Variants in PLXNB3 observed in about 807,000 individuals in gnomAD.
PLXNB3 encodes the protein plexin-B3.
A neutral mutation model predicts 125.7 loss-of-function variants in PLXNB3; 80 were observed. The ratio of observed to expected loss-of-function variants is 0.64; its 90% CI spans 0.53 to 0.77. The LOEUF (loss-of-function observed/expected upper bound fraction) is 0.77. PLXNB3 is among the 30% of genes least tolerant of loss of function. The pLI is 0.00. For synonymous variants in PLXNB3, 954 were observed against 783.3 expected (o/e 1.22, Z -3.64); for missense variants, 1,836 against 1,729.3 (o/e 1.06, Z -1.09).
rs1028960103 is a variant in PLXNB3, at chrX:153,769,016, C to T, written c.1335C>T (p.Ile445=). The part of the protein sequence containing the change: ...SQQVGPPGSA[I]SPDLLLDSSG... ...AAGTGGGGCCTCCAGGCTCAGCCAT[C>T]AGCCCAGACCTGCTGCTGGACAGCA... The change falls in exon 5 of 36, where the codon ATC becomes ATT. Residue 445 remains isoleucine (I), a synonymous_variant. Coordinates refer to ENST00000361971, the MANE Select transcript of PLXNB3 (RefSeq NM_005393.3). The T allele has an allele frequency of 8.3e-7, 1 of 1,209,693 alleles. No homozygotes were observed. The highest frequency in any genetic ancestry group is 3.0e-5 in the East Asian group (1 of 33,788).
rs1557063269 is a variant in PLXNB3, at chrX:153,774,491, T to C, written c.3750T>C (p.Phe1250=). Residue 1250 remains phenylalanine, a synonymous_variant, in exon 22 of 36, where the codon TTT becomes TTC. Transcript: ENST00000361971. ...QYEAEPPLSA[F]PVEAQAGVGM... Reference sequence around the variant, plus strand: ...AGGCTGAACCCCCGCTGTCTGCCTTTCCCGTGGAGGCCCAGGCAGGCGTGG... The same window carrying C: ...AGGCTGAACCCCCGCTGTCTGCCTTCCCCGTGGAGGCCCAGGCAGGCGTGG... 1.7e-6 allele frequency: 2 copies of C among 1,206,815 alleles called. No individual in the cohort carries two copies. Among genetic ancestry groups the C allele is most frequent in the Admixed American group, 4.4e-5 (2 of 45,715 alleles).
chrX:153,764,961 G>A (rs2091840887), intron 1 of PLXNB3, among the ~76,000 whole-genome samples: 1 of 113,015 alleles, frequency 8.8e-6, no homozygotes, highest in African/African-American at 3.2e-5. Flanking sequence ...GCTGGGCTGG[G>A]GGTGTGGAGG....
chrX:153,775,551 G>C (rs782663411), intron 25 of PLXNB3, 43 bp from the exon 26 acceptor site: 1 of 1,181,984 alleles, frequency 8.5e-7, no homozygotes, highest in Non-Finnish European at 1.2e-6. Context: ...CCTCAGCAGG[G>C]ACACAGGCAC....
Position 153,775,287 on chromosome X carries a change from G to A in PLXNB3, c.4218G>A (p.Ser1406=), listed in dbSNP as rs377489786. The A allele has an allele frequency of 6.0e-5, 72 of 1,206,534 alleles. No individual in the cohort carries two copies. The highest frequency in any genetic ancestry group is 3.1e-4 in the Admixed American group (14 of 45,550). The change falls in exon 25 of 36, where the codon TCG becomes TCA. Residue 1406 remains serine (S), a synonymous_variant. Coordinates refer to ENST00000361971, the MANE Select transcript of PLXNB3 (RefSeq NM_005393.3). The stretch of plus-strand genomic sequence containing the variant: ...AGAGGGATCGCTGCCATGTGGCTTC[G>A]CTGCTGTCGCTAGCGCTACACGGCA... The part of the protein sequence containing the change: ...FSQRDRCHVA[S]LLSLALHGKL...
At position 153,777,332 on chromosome X, in the gene PLXNB3, G is replaced by A; in HGVS notation, c.5052G>A (p.Arg1684=). The A allele has an allele frequency of 8.3e-7, 1 of 1,205,498 alleles. No homozygotes were observed. Among genetic ancestry groups the A allele is most frequent in the Non-Finnish European group, 1.1e-6 (1 of 891,029 alleles). Residue 1684 remains arginine (R), a synonymous_variant, in exon 30 of 36, where the codon AGG becomes AGA. Transcript: ENST00000361971. ...CSSLREREPA[R]AKAIPEIYLT... Reference sequence around the variant, plus strand: ...GCCTGCGGGAGCGCGAGCCAGCAAGGGCCAAGGCCATTCCGGAAATCTACC... The same window carrying A: ...GCCTGCGGGAGCGCGAGCCAGCAAGAGCCAAGGCCATTCCGGAAATCTACC...
At chrX:153,777,738 C>T in intron 31 of PLXNB3, 50 bp downstream of exon 31, 2 of 1,162,180 alleles carry the variant, frequency 1.7e-6, no homozygotes, top group East Asian at 6.0e-5. Flanking sequence ...CCACTGAGTC[C>T]CAGAGAGACC....
intron 12 of PLXNB3, 38 bp from the exon 13 acceptor site, chrX:153,771,272 G>A (rs187552839): frequency 2.7e-6 from 3 of 1,092,355 alleles, no homozygotes; most frequent in Non-Finnish European, 3.8e-6. Flanking sequence ...GAGGTGCCCT[G>A]AGTGGGCACC....
In PLXNB3 at chrX:153,770,446, C is replaced by G. The variant is rs372331714; in HGVS notation, c.1895C>G (p.Pro632Arg). The G allele has an allele frequency of 8.3e-7, 1 of 1,204,564 alleles. No individual in the cohort carries two copies. Among genetic ancestry groups the G allele is most frequent in the Non-Finnish European group, 1.1e-6 (1 of 890,746 alleles). The change falls in exon 9 of 36, where the codon CCG becomes CGG. Residue 632 changes from proline to arginine, a missense_variant and splice_region_variant. Transcript: ENST00000361971. ...SAVQALEAAA[P>R]CRACVGSIWR... ...GTCCAGGCCTTGGAGGCGGCTGCCC[C>G]GTGAGTCCCTGGGCCTGCCTCCTGG... is the stretch of plus-strand genomic sequence containing the variant.
At position 153,773,905 on chromosome X, in the gene PLXNB3, G is replaced by A. The variant is rs145360535; in HGVS notation, c.3326G>A (p.Arg1109Gln). ...AACTCGTCCAGCCTCCTCCTGTGCC[G>A]GAGCCCTGCTGTACCAGACAGAGCC... ...SVNSSSLLLC[R>Q]SPAVPDRAHP... The change falls in exon 20 of 36, where the codon CGG becomes CAG. Residue 1109 changes from arginine to glutamine, a missense_variant. Physicochemically the swap from Arg to Gln is conservative, Grantham distance 43. Transcript: ENST00000361971. 189 of 1,209,945 alleles carry A rather than the reference G, an allele frequency of 1.6e-4. No individual in the cohort carries two copies. The highest frequency in any genetic ancestry group is 4.6e-4 in the Middle Eastern group (2 of 4,372).
chrX:153,770,464 C>A lies in PLXNB3; in HGVS notation c.1895+18C>A. 2 of 1,200,338 alleles carry A rather than the reference C, an allele frequency of 1.7e-6. No homozygotes were observed. Among genetic ancestry groups the A allele is most frequent in the Non-Finnish European group, 2.3e-6 (2 of 886,610 alleles). ...GCTGCCCCGTGAGTCCCTGGGCCTG[C>A]CTCCTGGGGTAGGGGTGGCGACCCC... On this transcript the variant is annotated intron_variant, in intron 9 of 35. Transcript: ENST00000361971.
Position 153,768,246 on chromosome X carries a change from T to C in PLXNB3, c.1087-3T>C. ...GGCTGATTCTCCACTTCCTGCCACGTAGGATTCCCCCGAGTCGTACCCCTG... is the reference window on the plus strand; with the variant it reads ...GGCTGATTCTCCACTTCCTGCCACGCAGGATTCCCCCGAGTCGTACCCCTG... On this transcript the variant is annotated splice_polypyrimidine_tract_variant and splice_region_variant and intron_variant, in intron 3 of 35. Transcript: ENST00000361971. 2 of 1,181,172 alleles carry C rather than the reference T, an allele frequency of 1.7e-6. No individual in the cohort carries two copies. Among genetic ancestry groups the C allele is most frequent in the Non-Finnish European group, 2.3e-6 (2 of 874,613 alleles).
rs781948973 is a variant in PLXNB3 at position 153,767,613 on chromosome X, C to G, written c.786C>G (p.Tyr262Ter). Residue 262 changes from tyrosine (Y) to a stop codon, truncating the protein, a stop_gained, in exon 3 of 36, where the codon TAC (tyrosine) becomes TAG (stop). Transcript: ENST00000361971. LOFTEE classifies it high-confidence loss of function. Reference sequence around the variant, plus strand: ...GGGCCCAGGCTGAGTACCGCTCCTACGTGGCCCGCGTCTGCCTGGGGGACA... The same window carrying G: ...GGGCCCAGGCTGAGTACCGCTCCTAGGTGGCCCGCGTCTGCCTGGGGGACA... ...GARAQAEYRS[Y>*]VARVCLGDTN... 8.4e-7 allele frequency: 1 copy of G among 1,192,798 alleles called. No homozygotes were observed. The highest frequency in any genetic ancestry group is 1.1e-6 in the Non-Finnish European group (1 of 886,389).
In PLXNB3 at chrX:153,774,073, A is replaced by G; in HGVS notation, c.3494A>G (p.Lys1165Arg). ...REGPARPYRL[K>R]PGHVLDVEGE... ...GGGCCTGCCCGCCCCTACCGCCTCA[A>G]GCCAGGCCATGTCCTGGATGTGGAG... Residue 1165 changes from lysine (K) to arginine (R), a missense_variant, in exon 20 of 36, where the codon AAG becomes AGG. By Grantham distance (26) the Lys-to-Arg change is conservative. Transcript: ENST00000361971. The G allele has an allele frequency of 8.4e-7, 1 of 1,191,667 alleles. No individual in the cohort carries two copies. The highest frequency in any genetic ancestry group is 1.1e-6 in the Non-Finnish European group (1 of 885,670).
In PLXNB3 at chrX:153,777,802, G is replaced by T. The variant is rs142968943; in HGVS notation, c.5261+114G>T. On this transcript the variant is annotated intron_variant, in intron 31 of 35. Coordinates refer to ENST00000361971, the MANE Select transcript of PLXNB3 (RefSeq NM_005393.3). ...CTGGGGTTTCTGGAACTTACAGGAA[G>T]ATCTAGGGCCCAGGTCACCTAGGCC... is the stretch of plus-strand genomic sequence containing the variant. 685 of 1,070,860 alleles carry T rather than the reference G, an allele frequency of 6.4e-4. 5 individuals carry two copies. In the East Asian group the frequency reaches 0.02, roughly 31 times the overall value. The allele number at this position is 1,070,860 out of a possible 1,213,427, so 88.3% of individuals were successfully genotyped here. A position where few individuals can be genotyped will look rare whatever the true frequency, so the allele number is the denominator to read the frequency against.
rs782672041 is a variant in PLXNB3 at position 153,774,228 on chromosome X, G to A, written c.3562G>A (p.Val1188Met). The change falls in exon 21 of 36, where the codon GTG becomes ATG. Residue 1188 changes from valine (V) to methionine (M), a missense_variant. Transcript: ENST00000361971. ...GGGCATCAGCAAGGAGGAGGTGCGCGTGCACATCGGCCGCGGCGAGTGCCT... is the reference window on the plus strand; with the variant it reads ...GGGCATCAGCAAGGAGGAGGTGCGCATGCACATCGGCCGCGGCGAGTGCCT... ...NLGISKEEVR[V>M]HIGRGECLVK... 3 of 1,200,556 alleles carry A rather than the reference G, an allele frequency of 2.5e-6. No homozygotes were observed. The highest frequency in any genetic ancestry group is 1.8e-5 in the South Asian group (1 of 56,451).
chrX:153,775,569 T>C, intron 25 of PLXNB3, 25 bp from the exon 26 acceptor site: 1 of 1,203,526 alleles, frequency 8.3e-7, no homozygotes, highest in Non-Finnish European at 1.1e-6. Flanking sequence ...CACAAAGGCC[T>C]GACCCTGTGG....
chrX:153,766,272 C>G, intron 2 of PLXNB3: 1 of 1,166,651 alleles, frequency 8.6e-7, no homozygotes, highest in Non-Finnish European at 1.1e-6. Context: ...CTGCCTGGCT[C>G]TTTCCCCCAG....
chrX:153,775,178 G>C lies in PLXNB3; in HGVS notation c.4156-47G>C, dbSNP rs369084656. ...GGAACTACTGGCCTGAGACAAAGGT[G>C]GGGGAGGAGTGGGGCTTCCCAGGAT... On this transcript the variant is annotated intron_variant, in intron 24 of 35. Transcript: ENST00000361971. 9 of 1,151,861 alleles carry C rather than the reference G, an allele frequency of 7.8e-6. No homozygotes were observed. The Admixed American group carries it at 7.8e-5, about 10-fold the overall frequency. The allele number at this position is 1,151,861 out of a possible 1,213,427, so 94.9% of individuals were successfully genotyped here. A position where few individuals can be genotyped will look rare whatever the true frequency, so the allele number is the denominator to read the frequency against.
At position 153,773,251 on chromosome X, in the gene PLXNB3, G is replaced by A; in HGVS notation, c.2928G>A (p.Glu976=). The change falls in exon 18 of 36, where the codon GAG becomes GAA. Residue 976 remains glutamate, a synonymous_variant. Coordinates refer to ENST00000361971, the MANE Select transcript of PLXNB3 (RefSeq NM_005393.3). ...GCAGCCTGGAGCCAGTGTGTCCGGA[G>A]GCCATCGTGTGCCGTACCAGGCCCC... ...PCPILEPVCP[E]AIVCRTRPQA... 8.3e-7 allele frequency: 1 copy of A among 1,209,018 alleles called. No individual in the cohort carries two copies. Among genetic ancestry groups the A allele is most frequent in the Non-Finnish European group, 1.1e-6 (1 of 894,273 alleles).
Sources: gnomAD v4.1 joint callset for allele counts (sites outside exome capture counted in the v4.1 genomes callset) on GRCh38, gnomAD v4.1.1 for gene constraint, MANE v1.5 for transcripts, NCBI Gene and HGNC (gene_info 2026-07-23, HGNC 2026-07-21) for gene names.